The following PCDHGB1 variants were observed in gnomAD, a reference collection of about 807,000 sequenced individuals.
PCDHGB1 encodes the protein protocadherin gamma-B1.
A neutral mutation model predicts 56.6 loss-of-function variants in PCDHGB1; 34 were observed. The ratio of observed to expected loss-of-function variants is 0.60; its 90% CI spans 0.46 to 0.80. The LOEUF is 0.80. Ranked by LOEUF, PCDHGB1 falls within the 30% of genes least tolerant of loss-of-function variation. The probability of loss-of-function intolerance (pLI) is 0.00; values close to 1 mark genes in which losing one functional copy is unlikely to be tolerated. For synonymous variants in PCDHGB1, 561 were observed against 505.9 expected (o/e 1.11, Z -1.46); for missense variants, 1,278 against 1,204.6 (o/e 1.06, Z -0.90).
intron 1 of PCDHGB1, among the ~76,000 whole-genome samples, chr5:141,448,001 G>A (rs143950707): frequency 0.046 from 7,030 of 151,928 alleles, 245 homozygotes; most frequent in African/African-American, 0.093. Context: ...CATGAGAATC[G>A]CTTGAACCCA....
chr5:141,376,553 G>T, intron 1 of PCDHGB1: 1 of 1,610,804 alleles, frequency 6.2e-7, no homozygotes, highest in Non-Finnish European at 8.5e-7. Flanking sequence ...TGATCTTCCC[G>T]CAACCCAACT....
At chr5:141,483,967 G>C (rs2099589454) in intron 1 of PCDHGB1, among the ~76,000 whole-genome samples, 1 of 149,276 alleles carries the variant, frequency 6.7e-6, no homozygotes, top group African/African-American at 2.5e-5. Flanking sequence ...TTCTGTGCTT[G>C]TGCAAGGGAG....
At chr5:141,479,358 GC>G (rs2154577546) in intron 1 of PCDHGB1, 1 of 152,584 alleles carries the variant, frequency 6.6e-6, no homozygotes, top group Non-Finnish European at 1.5e-5. Flanking sequence ...GCTGCTCAGT[GC>G]CTGAGGTGGG....
At chr5:141,355,891 A>G in intron 1 of PCDHGB1, 2 of 1,613,550 alleles carry the variant, frequency 1.2e-6, no homozygotes, top group Non-Finnish European at 1.7e-6. Flanking sequence ...GATTCTCATA[A>G]TACTTGTGGA....
rs1364415249 is a variant in PCDHGB1 at position 141,489,240 on chromosome 5, C to A, written c.2410-5567C>A. The stretch of plus-strand genomic sequence containing the variant: ...ACTCTCCACAAAGGGACTTCTGGGT[C>A]ATGGGGCCCAAGACACTCCCACAGC... On this transcript the variant is annotated intron_variant, in intron 1 of 3. Coordinates refer to ENST00000523390, the MANE Select transcript of PCDHGB1 (RefSeq NM_018922.3). The surrounding 1 kb of genome is among the most constrained non-coding windows in gnomAD (Gnocchi z 4.5). 1 of 1,534,136 alleles carries A rather than the reference C, an allele frequency of 6.5e-7. No individual in the cohort carries two copies. Among genetic ancestry groups the A allele is most frequent in the South Asian group, 1.3e-5 (1 of 76,896 alleles).
In PCDHGB1 at chr5:141,432,598, G is replaced by A; in HGVS notation, c.2410-62209G>A. The A allele has an allele frequency of 6.2e-7, 1 of 1,613,920 alleles. No individual in the cohort carries two copies. The highest frequency in any genetic ancestry group is 8.5e-7 in the Non-Finnish European group (1 of 1,179,972). On this transcript the variant is annotated intron_variant, in intron 1 of 3. Transcript: ENST00000523390. The surrounding 1 kb of genome is among the most constrained non-coding windows in gnomAD (Gnocchi z 6.0). ...CCTACCGTCTGCTCAAGGCCAGCGA[G>A]CCGGGACTCTTCTCGGTGGGTCTGC...
intron 1 of PCDHGB1, chr5:141,385,487 A>T (rs1781222873): frequency 5.6e-6 from 8 of 1,416,434 alleles, no homozygotes; most frequent in Non-Finnish European, 6.4e-6. Context: ...TATAGAACAC[A>T]TAGGATATAG....
chr5:141,360,822 A>C, intron 1 of PCDHGB1: 2 of 1,613,994 alleles, frequency 1.2e-6, no homozygotes, highest in Non-Finnish European at 1.7e-6. Flanking sequence ...CCCAAATCCG[A>C]ATCAAAGTCA....
At chr5:141,374,838 C>G (rs772961429) in intron 1 of PCDHGB1, 7 of 1,613,846 alleles carry the variant, frequency 4.3e-6, no homozygotes, top group Non-Finnish European at 5.9e-6. Context: ...GTAAGTGTTC[C>G]TGAAAACCTG....
At chr5:141,360,896 A>T in intron 1 of PCDHGB1, 2 of 1,614,014 alleles carry the variant, frequency 1.2e-6, no homozygotes, top group Non-Finnish European at 1.7e-6. Context: ...CTGAGGGAGG[A>T]CGTGCCGCCG....
chr5:141,367,536 C>CT (rs1376897976), intron 1 of PCDHGB1: 1 of 106,510 alleles, frequency 9.4e-6, no homozygotes, highest in African/African-American at 4.5e-5. Context: ...GACTCCGTCT[C>CT]AAAATAAATA....
intron 3 of PCDHGB1, among the ~76,000 whole-genome samples, chr5:141,508,792 CT>C (rs1475631459): frequency 6.6e-6 from 1 of 152,130 alleles, no homozygotes; most frequent in Non-Finnish European, 1.5e-5. Flanking sequence ...CTAAATCACT[CT>C]GGAATCCTGG....
At chr5:141,427,678 C>T in intron 1 of PCDHGB1, 1 of 822,634 alleles carries the variant, frequency 1.2e-6, no homozygotes, top group Non-Finnish European at 2.0e-6. Flanking sequence ...AACAACCTTC[C>T]CGGAGCCTCC....
Position 141,375,767 on chromosome 5 carries a change from A to T in PCDHGB1, c.2409+23098A>T, listed in dbSNP as rs190439419. ...GGACCAGAATGACAATGCGCCCGAGATCCTGTACCCCGCCCTCCCCACAGA... is the reference window on the plus strand; with the variant it reads ...GGACCAGAATGACAATGCGCCCGAGTTCCTGTACCCCGCCCTCCCCACAGA... On this transcript the variant is annotated intron_variant, in intron 1 of 3. Transcript: ENST00000523390. 3.1e-4 allele frequency: 496 copies of T among 1,614,182 alleles called. 1 individual carries two copies. The highest frequency in any genetic ancestry group is 3.8e-4 in the Non-Finnish European group (444 of 1,180,008).
chr5:141,403,986 C>A (rs367739607), intron 1 of PCDHGB1: 12 of 1,613,586 alleles, frequency 7.4e-6, no homozygotes, highest in Admixed American at 1.7e-5. Flanking sequence ...GACAATAGAC[C>A]TGAAGTGACC....
intron 1 of PCDHGB1, among the ~76,000 whole-genome samples, chr5:141,436,469 G>A (rs376024456): frequency 6.6e-6 from 1 of 152,304 alleles, no homozygotes; most frequent in East Asian, 1.9e-4. Flanking sequence ...ATTTTCAGAT[G>A]TATCATAGAA....
chr5:141,364,882 C>T (rs199576947), intron 1 of PCDHGB1: 2 of 1,613,962 alleles, frequency 1.2e-6, no homozygotes, highest in African/African-American at 1.3e-5. Context: ...ATGTGGTAAG[C>T]GGAACTGATG....
At chr5:141,362,244 C>T (rs1380837904) in intron 1 of PCDHGB1, 4 of 1,613,944 alleles carry the variant, frequency 2.5e-6, no homozygotes, top group Admixed American at 3.3e-5. Context: ...CAGTGCTCTT[C>T]TTCCTCGCGG....
intron 1 of PCDHGB1, among the ~76,000 whole-genome samples, chr5:141,353,499 C>T (rs1312979399): frequency 6.6e-6 from 1 of 152,158 alleles, no homozygotes; most frequent in Non-Finnish European, 1.5e-5. Context: ...TGTCTCATCA[C>T]AAGTAGCAAA....
Sources: allele counts gnomAD v4.1 joint callset (sites outside exome capture counted in the v4.1 genomes callset), GRCh38; gene constraint gnomAD v4.1.1; non-coding constraint Gnocchi (gnomAD v3.1); transcripts MANE v1.5; gene names NCBI Gene and HGNC (gene_info 2026-07-23, HGNC 2026-07-21).